Variants in MOB1B observed in about 807,000 individuals in gnomAD.
MOB1B encodes MOB kinase activator 1B, also known as MOB1 Mps One Binder homolog B.
Under a neutral mutation model 24.4 loss-of-function variants are expected in MOB1B, and 19 were observed. That is an observed-to-expected ratio of 0.78 (90% confidence interval 0.54 to 1.14). The LOEUF is 1.14. Among genes scored for constraint, MOB1B ranks in the 50% most tolerant of loss-of-function variants. The pLI is 0.00. For synonymous variants in MOB1B, 76 were observed against 82.1 expected, an observed-to-expected ratio of 0.93 and a Z score of 0.40; for missense variants, 243 against 259.6, an observed-to-expected ratio of 0.94 and a Z score of 0.44.
At chr4:70,903,117 C>T (rs1459257101) in intron 1 of MOB1B, among the ~76,000 whole-genome samples, 2 of 152,176 alleles carry the variant, frequency 1.3e-5, no homozygotes, top group Non-Finnish European at 2.9e-5. Flanking sequence ...GTCGGGATCC[C>T]TTGGACACAG....
Position 70,903,974 on chromosome 4 carries a change from C to CTTTTTTT in MOB1B, c.14+1442_14+1448dup, listed in dbSNP as rs754257097. Among the ~76,000 whole-genome samples, 102 of 81,012 alleles carry CTTTTTTT rather than the reference C, an allele frequency of 1.3e-3. 1 individual carries two copies. The highest frequency in any genetic ancestry group is 2.1e-3 in the Admixed American group (10 of 4,734). 53.1% of individuals were successfully genotyped at this position (81,012 alleles called of 152,430 possible). A position where few individuals can be genotyped will look rare whatever the true frequency, so the allele number is the denominator to read the frequency against. On this transcript the variant is annotated intron_variant, in intron 1 of 5. Coordinates refer to ENST00000309395, the MANE Select transcript of MOB1B (RefSeq NM_173468.4). ...AAAGTCCTTGTTTCTTATTTTAGTT[C>CTTTTTTT]TTTTTTTTTTTTTTTTTTTTTTTTG...
Position 70,986,631 on chromosome 4 carries a change from C to T in MOB1B, c.*4574C>T, listed in dbSNP as rs930516034. ...GAATATATACCAATTCTTAGAAACA[C>T]TTTAAGGACTACTCTTAAATAACTT... On this transcript the variant is annotated 3_prime_UTR_variant, in exon 6 of 6. Transcript: ENST00000309395. 7 of 152,064 alleles carry T rather than the reference C, an allele frequency of 4.6e-5. No homozygotes were observed. The highest frequency in any genetic ancestry group is 8.8e-5 in the Non-Finnish European group (6 of 67,950). 9.4% of individuals were successfully genotyped at this position (152,064 alleles called of 1,614,324 possible). A position where few individuals can be genotyped will look rare whatever the true frequency, so the allele number is the denominator to read the frequency against.
intron 1 of MOB1B, among the ~76,000 whole-genome samples, chr4:70,957,366 G>A (rs1457303404): frequency 6.6e-6 from 1 of 151,436 alleles, no homozygotes; most frequent in African/African-American, 2.4e-5. Context: ...ATGGACAGGG[G>A]TGACCCCTAA....
At chr4:70,954,104 C>T (rs1327034086) in intron 1 of MOB1B, among the ~76,000 whole-genome samples, 3 of 152,130 alleles carry the variant, frequency 2.0e-5, no homozygotes, top group Non-Finnish European at 4.4e-5. Flanking sequence ...TTCTTTTAAA[C>T]TTGATGTGTG....
At chr4:70,910,771 G>C (rs530442921) in intron 1 of MOB1B, among the ~76,000 whole-genome samples, 85 of 151,934 alleles carry the variant, frequency 5.6e-4, no homozygotes, top group Non-Finnish European at 1.1e-3. Flanking sequence ...TTTGTATTTA[G>C]GGATAAAGTT....
chr4:70,970,197 T>C (rs927205986), intron 3 of MOB1B, among the ~76,000 whole-genome samples, 173 bp downstream of exon 3: 2 of 152,194 alleles, frequency 1.3e-5, no homozygotes, highest in Admixed American at 6.5e-5. Context: ...ATCTTGCCTT[T>C]CCTCTGTTTG....
intron 1 of MOB1B, among the ~76,000 whole-genome samples, chr4:70,907,150 CAG>C (rs764184354): frequency 3.3e-5 from 5 of 152,116 alleles, no homozygotes; most frequent in South Asian, 2.1e-4. Flanking sequence ...TTGGAGCTAG[CAG>C]GGGTCTATTA....
intron 1 of MOB1B, among the ~76,000 whole-genome samples, chr4:70,923,691 T>G (rs1736530855): frequency 6.6e-6 from 1 of 152,090 alleles, no homozygotes. Context: ...GGCTCAAGCC[T>G]GTAATCCCAG....
chr4:70,911,378 A>G (rs1735981707), intron 1 of MOB1B, among the ~76,000 whole-genome samples: 1 of 151,502 alleles, frequency 6.6e-6, no homozygotes, highest in Admixed American at 6.6e-5. Context: ...TATAACATTA[A>G]AAAGGATAAC....
intron 1 of MOB1B, among the ~76,000 whole-genome samples, chr4:70,929,129 C>G (rs1283955644): frequency 6.6e-6 from 1 of 151,726 alleles, no homozygotes; most frequent in Non-Finnish European, 1.5e-5. Flanking sequence ...AAAGGTACTT[C>G]CAAATAATTT....
chr4:70,938,309 T>A (rs796071077), intron 1 of MOB1B, among the ~76,000 whole-genome samples: 7 of 48,996 alleles, frequency 1.4e-4, no homozygotes, highest in African/African-American at 6.4e-4. Flanking sequence ...TGGTCAGATT[T>A]GCCGCCCCCG....
intron 1 of MOB1B, among the ~76,000 whole-genome samples, chr4:70,910,165 T>C (rs894325811): frequency 2.2e-4 from 33 of 152,002 alleles, no homozygotes; most frequent in African/African-American, 8.0e-4. Context: ...CTCCGCCTGC[T>C]GAGTAGCTGG....
At position 70,951,253 on chromosome 4, in the gene MOB1B, C is replaced by T. The variant is rs115412946; in HGVS notation, c.15-7621C>T. On this transcript the variant is annotated intron_variant, in intron 1 of 5. Transcript: ENST00000309395. ...GCATTTCCACCTGAGCTCTGCACCC[C>T]GCCAACCCCTGTGGAAAAGTTGTCT... 7.5e-3 allele frequency among the ~76,000 whole-genome samples: 1,141 copies of T among 152,252 alleles called. 13 individuals carry two copies. The highest frequency in any genetic ancestry group is 0.026 in the African/African-American group (1,095 of 41,532).
At chr4:70,975,361 C>T in intron 4 of MOB1B, 75 bp downstream of exon 4, 2 of 1,571,096 alleles carry the variant, frequency 1.3e-6, no homozygotes, top group South Asian at 1.2e-5. Context: ...CTCCCTCTTT[C>T]CACTATATCT....
chr4:70,918,318 T>C (rs1280402188), intron 1 of MOB1B, among the ~76,000 whole-genome samples: 1 of 151,020 alleles, frequency 6.6e-6, no homozygotes, highest in Non-Finnish European at 1.5e-5. Context: ...AGTGTAAAAG[T>C]GTTCCTATTT....
At chr4:70,912,823 C>T (rs765550189) in intron 1 of MOB1B, among the ~76,000 whole-genome samples, 8 of 152,132 alleles carry the variant, frequency 5.3e-5, no homozygotes, top group African/African-American at 9.7e-5. Flanking sequence ...TGCAGTGGCC[C>T]GATCTCGACT....
rs1739238313 is a variant in MOB1B, at chr4:70,982,183, G to C, written c.*126G>C. 1.6e-6 allele frequency: 1 copy of C among 614,462 alleles called. No homozygotes were observed. The highest frequency in any genetic ancestry group is 2.8e-6 in the Non-Finnish European group (1 of 359,380). 38.1% of individuals were successfully genotyped at this position (614,462 alleles called of 1,614,324 possible). ...GGTTTGGGGGCGGGGGCTTGTTTGG[G>C]TTCCTTTTTCTTTATTCTGATTATG... On this transcript the variant is annotated 3_prime_UTR_variant, in exon 6 of 6. Transcript: ENST00000309395.
intron 1 of MOB1B, among the ~76,000 whole-genome samples, chr4:70,902,841 G>A (rs535317065): frequency 5.8e-4 from 89 of 152,316 alleles, no homozygotes; most frequent in Non-Finnish European, 1.0e-3. Flanking sequence ...CCCCGTCTCT[G>A]CCTTCGCTCG....
intron 1 of MOB1B, chr4:70,950,932 C>T (rs1737778724): frequency 3.1e-6 from 2 of 647,088 alleles, no homozygotes; most frequent in East Asian, 2.9e-5. Flanking sequence ...GACTCAGTAA[C>T]AGTAACTTCT....
Sources: allele counts gnomAD v4.1 joint callset (sites outside exome capture counted in the v4.1 genomes callset), GRCh38; gene constraint gnomAD v4.1.1; transcripts MANE v1.5; gene names NCBI Gene and HGNC (gene_info 2026-07-23, HGNC 2026-07-21).